FANCC: variants seen among roughly 807,000 people sequenced by gnomAD.
FANCC encodes the protein Fanconi anemia group C protein.
Under a neutral mutation model 71.3 loss-of-function variants are expected in FANCC, and 55 were observed. The ratio of observed to expected loss-of-function variants is 0.77; its 90% CI spans 0.62 to 0.97. The LOEUF is 0.97. Among genes scored for constraint, FANCC ranks in the 50% least tolerant of loss-of-function variants. FANCC has a pLI of 0.00. For synonymous variants in FANCC, 275 were observed against 244.9 expected (o/e 1.12, Z -1.15); for missense variants, 678 against 670.9 (o/e 1.01, Z -0.12).
chr9:95,264,571 T>C (rs999308123), intron 1 of FANCC, among the ~76,000 whole-genome samples: 1 of 152,170 alleles, frequency 6.6e-6, no homozygotes, highest in African/African-American at 2.4e-5. Context: ...ATGGACCATA[T>C]AAGCTTCTCA....
At chr9:95,147,383 G>A (rs1305420607) in intron 7 of FANCC, among the ~76,000 whole-genome samples, 2 of 152,192 alleles carry the variant, frequency 1.3e-5, no homozygotes, top group East Asian at 1.9e-4. Context: ...GGGCGTGATG[G>A]TGCATGCCTG....
intron 8 of FANCC, among the ~76,000 whole-genome samples, chr9:95,129,102 C>T (rs981157403): frequency 6.6e-6 from 1 of 151,982 alleles, no homozygotes; most frequent in African/African-American, 2.4e-5. Flanking sequence ...GGGGTTTCAC[C>T]GTGTTGGCCA....
At chr9:95,290,611 G>A (rs2136307932) in intron 1 of FANCC, among the ~76,000 whole-genome samples, 1 of 152,246 alleles carries the variant, frequency 6.6e-6, no homozygotes, top group South Asian at 2.1e-4. Context: ...AGTCCAACAA[G>A]ACCTCTGGAA....
At chr9:95,289,352 G>T (rs889300519) in intron 1 of FANCC, among the ~76,000 whole-genome samples, 1 of 152,058 alleles carries the variant, frequency 6.6e-6, no homozygotes, top group Non-Finnish European at 1.5e-5. Flanking sequence ...ACACAATCAC[G>T]GAGTATTTGC....
At chr9:95,247,598 C>T (rs1831070187) in intron 2 of FANCC, 82 bp from the exon 3 acceptor site, 4 of 878,830 alleles carry the variant, frequency 4.6e-6, no homozygotes, top group South Asian at 2.7e-5. Context: ...ATTGAGGGAA[C>T]GTGAATGCTT....
At position 95,253,949 on chromosome 9, in the gene FANCC, G is replaced by A. The variant is rs575297041; in HGVS notation, c.-78-4580C>T. The stretch of plus-strand genomic sequence containing the variant: ...CATGCCCCTATGAGAATCTAATGCC[G>A]CCACTGATCTGACAGGGAGCGGAGC... On this transcript the variant is annotated intron_variant, in intron 1 of 14. Coordinates refer to ENST00000289081, the MANE Select transcript of FANCC (RefSeq NM_000136.3). 5.9e-5 allele frequency among the ~76,000 whole-genome samples: 9 copies of A among 152,316 alleles called. No individual in the cohort carries two copies. The East Asian group carries it at 1.5e-3, about 26-fold the overall frequency.
chr9:95,314,064 G>A (rs1835588039), intron 1 of FANCC, among the ~76,000 whole-genome samples: 1 of 152,168 alleles, frequency 6.6e-6, no homozygotes, highest in Non-Finnish European at 1.5e-5. Context: ...GCAAAGTGCT[G>A]GAGGGTCGAA....
chr9:95,149,896 G>C, intron 7 of FANCC, 27 bp downstream of exon 7: 2 of 1,576,528 alleles, frequency 1.3e-6, no homozygotes, highest in East Asian at 2.3e-5. Context: ...AAACGACGCA[G>C]GATGACAGGA....
At chr9:95,282,244 A>T (rs942614731) in intron 1 of FANCC, among the ~76,000 whole-genome samples, 1 of 152,134 alleles carries the variant, frequency 6.6e-6, no homozygotes, top group African/African-American at 2.4e-5. Flanking sequence ...GGAAACCAAA[A>T]CAGGAGTGGC....
chr9:95,301,686 C>T (rs1389254885), intron 1 of FANCC, among the ~76,000 whole-genome samples: 1 of 151,986 alleles, frequency 6.6e-6, no homozygotes, highest in African/African-American at 2.4e-5. Flanking sequence ...GGATTACAGG[C>T]GTGAGTTGCC....
chr9:95,208,295 C>T (rs1465191824), intron 4 of FANCC, among the ~76,000 whole-genome samples: 3 of 151,764 alleles, frequency 2.0e-5, no homozygotes, highest in African/African-American at 4.8e-5. Flanking sequence ...TGGGGTTTCT[C>T]CATGTTGGTC....
At chr9:95,195,778 C>T (rs1827418454) in intron 4 of FANCC, among the ~76,000 whole-genome samples, 1 of 152,206 alleles carries the variant, frequency 6.6e-6, no homozygotes, top group African/African-American at 2.4e-5. Flanking sequence ...AGTCTTTAAG[C>T]ATTTATTTCA....
chr9:95,176,928 G>A (rs1343051269), intron 4 of FANCC, among the ~76,000 whole-genome samples: 1 of 152,220 alleles, frequency 6.6e-6, no homozygotes, highest in Non-Finnish European at 1.5e-5. Flanking sequence ...CTCACGGAGG[G>A]TGACTTCCCA....
intron 4 of FANCC, among the ~76,000 whole-genome samples, chr9:95,199,888 T>A (rs913661742): frequency 6.6e-6 from 1 of 152,176 alleles, no homozygotes. Context: ...ATAAAAAAAA[T>A]TTCCCCAGCT....
At chr9:95,108,009 A>G (rs2071591743) in intron 13 of FANCC, among the ~76,000 whole-genome samples, 2 of 152,258 alleles carry the variant, frequency 1.3e-5, no homozygotes, top group Non-Finnish European at 2.9e-5. Context: ...AAAGCAAAGC[A>G]AAAACCGAAA....
At chr9:95,123,604 A>G in intron 10 of FANCC, 1 of 596,286 alleles carries the variant, frequency 1.7e-6, no homozygotes, top group Non-Finnish European at 3.2e-6. Context: ...ACTGTGCCCA[A>G]TGTGTGCCCA....
In FANCC at chr9:95,101,730, T is replaced by C; in HGVS notation, c.1654A>G (p.Lys552Glu). ...TTCTAGACTTGAGTTCGCAGCTCTTTAAGGAGCTCTCGGGCCAGTTTTTCT... is the reference window on the plus strand; with the variant it reads ...TTCTAGACTTGAGTTCGCAGCTCTTCAAGGAGCTCTCGGGCCAGTTTTTCT... ...RSEKLARELL[K>E]ELRTQV The change falls in exon 15 of 15, where the codon AAA becomes GAA. Residue 552 changes from lysine to glutamate, a missense_variant. Lys to Glu is a moderately conservative substitution (Grantham distance 56). Transcript: ENST00000289081. The C allele has an allele frequency of 6.2e-7, 1 of 1,614,090 alleles. No individual in the cohort carries two copies. The highest frequency in any genetic ancestry group is 8.5e-7 in the Non-Finnish European group (1 of 1,180,006).
Position 95,101,835 on chromosome 9 carries a change from C to G in FANCC, c.1549G>C (p.Glu517Gln). 2 of 1,614,020 alleles carry G rather than the reference C, an allele frequency of 1.2e-6. No homozygotes were observed. Among genetic ancestry groups the G allele is most frequent in the Non-Finnish European group, 1.7e-6 (2 of 1,179,974 alleles). ...AAGCCAATGATCTCGTGAGTTATCT[C>G]AGCAGTGTGAGCCATCTGCAATCAG... is the stretch of plus-strand genomic sequence containing the variant. ...DVITLMAHTA[E>Q]ITHEIIGFLD... Residue 517 changes from glutamate to glutamine, a missense_variant, in exon 15 of 15, where the codon GAG (glutamate) becomes CAG (glutamine). Glu to Gln is a conservative substitution (Grantham distance 29, BLOSUM62 2). Transcript: ENST00000289081.
chr9:95,203,186 CAGG>C (rs1827903089), intron 4 of FANCC, among the ~76,000 whole-genome samples: 1 of 151,922 alleles, frequency 6.6e-6, no homozygotes, highest in Non-Finnish European at 1.5e-5. Context: ...CACTTGAGCT[CAGG>C]AGTTCAAGAC....
Sources: gnomAD v4.1 joint callset for allele counts (sites outside exome capture counted in the v4.1 genomes callset) on GRCh38, gnomAD v4.1.1 for gene constraint, MANE v1.5 for transcripts, NCBI Gene and HGNC (gene_info 2026-07-23, HGNC 2026-07-21) for gene names.